The following ELOVL2 variants were observed in gnomAD, a reference collection of about 807,000 sequenced individuals.
ELOVL2 encodes the protein very long chain fatty acid elongase 2.
In ELOVL2, 38 loss-of-function variants were observed where a neutral mutation model predicts 37.7. The observed-to-expected ratio is 1.01, with a 90% confidence interval of 0.78 to 1.32. ELOVL2 has a LOEUF of 1.32. Ranked by LOEUF, ELOVL2 falls within the 40% of genes most tolerant of loss-of-function variation. The probability of loss-of-function intolerance (pLI) is 0.00; values close to 1 mark genes in which losing one functional copy is unlikely to be tolerated. For missense variants in ELOVL2, 352 were observed against 363.6 expected (o/e 0.97, Z 0.26); for synonymous variants, 115 against 122.3 (o/e 0.94, Z 0.40).
chr6:10,992,218 C>G (rs1782174107), intron 5 of ELOVL2, among the ~76,000 whole-genome samples: 1 of 152,180 alleles, frequency 6.6e-6, no homozygotes. Flanking sequence ...CTCTAGTGTT[C>G]ATTTGTACCT....
chr6:11,043,471 C>CACACACACACACACACACACAA (rs3839416), intron 1 of ELOVL2: 2 of 140,560 alleles, frequency 1.4e-5, no homozygotes, highest in Admixed American at 7.2e-5. Context: ...CGGGTGAACA[C>CACACACACACACACACACACAA]ACACACACAC....
chr6:11,014,339 C>T (rs1302984151), intron 1 of ELOVL2, among the ~76,000 whole-genome samples: 5 of 151,702 alleles, frequency 3.3e-5, no homozygotes, highest in South Asian at 2.1e-4. Context: ...ATTGGCCGGG[C>T]GTGGTGGTGC....
At chr6:11,026,322 CCCG>C (rs1300469893) in intron 1 of ELOVL2, among the ~76,000 whole-genome samples, 1 of 152,068 alleles carries the variant, frequency 6.6e-6, no homozygotes, top group African/African-American at 2.4e-5. Context: ...AGGAGAAAGT[CCCG>C]CCAACTCATT....
At chr6:11,031,076 A>G (rs1238399089) in intron 1 of ELOVL2, among the ~76,000 whole-genome samples, 8 of 152,210 alleles carry the variant, frequency 5.3e-5, no homozygotes, top group African/African-American at 1.7e-4. Flanking sequence ...TCTGTCATTC[A>G]AGATTTTTTT....
rs998664722 is a variant in ELOVL2 at position 10,994,943 on chromosome 6, AAGAC to A, written c.505+60_505+63del. The A allele has an allele frequency of 6.8e-6, 9 of 1,329,610 alleles. No homozygotes were observed. The African/African-American group carries it at 1.3e-4, about 20-fold the overall frequency. 82.4% of individuals were successfully genotyped at this position (1,329,610 alleles called of 1,614,324 possible). On this transcript the variant is annotated intron_variant, in intron 5 of 7. Coordinates refer to ENST00000354666, the MANE Select transcript of ELOVL2 (RefSeq NM_017770.4). ...CTGATCTGCATGCGATGCTTAATACAAGACAGCACCAGTGGTCTCTAAGAGCCAT... is the reference window on the plus strand; with the variant it reads ...CTGATCTGCATGCGATGCTTAATACAAGCACCAGTGGTCTCTAAGAGCCAT...
intron 7 of ELOVL2, among the ~76,000 whole-genome samples, chr6:10,987,216 G>A (rs778341757): frequency 5.9e-5 from 9 of 152,150 alleles, no homozygotes; most frequent in Non-Finnish European, 1.0e-4. Context: ...ATTTTTTATT[G>A]CATCTATTTG....
At chr6:11,012,284 C>T (rs1227392665) in intron 1 of ELOVL2, among the ~76,000 whole-genome samples, 1 of 152,100 alleles carries the variant, frequency 6.6e-6, no homozygotes, top group African/African-American at 2.4e-5. Context: ...TGGGCTAAAC[C>T]AAGCCTGAAA....
intron 1 of ELOVL2, among the ~76,000 whole-genome samples, chr6:11,030,590 C>T (rs925013342): frequency 6.6e-6 from 1 of 152,082 alleles, no homozygotes; most frequent in Non-Finnish European, 1.5e-5. Flanking sequence ...CTCCTGGGTT[C>T]ATGCCATTCT....
intron 7 of ELOVL2, among the ~76,000 whole-genome samples, chr6:10,987,123 CAG>C (rs1483689837): frequency 6.6e-6 from 1 of 151,922 alleles, no homozygotes; most frequent in Non-Finnish European, 1.5e-5. Flanking sequence ...CTAGATTTTC[CAG>C]TTTATTTGCA....
chr6:11,004,161 CATT>C (rs59189279), intron 3 of ELOVL2, among the ~76,000 whole-genome samples: 12,233 of 151,598 alleles, frequency 0.081, 1,667 homozygotes, highest in African/African-American at 0.28. Context: ...CCTAAAATTC[CATT>C]ATGAGAGCTT....
intron 1 of ELOVL2, among the ~76,000 whole-genome samples, chr6:11,026,882 G>A (rs969962798): frequency 2.6e-5 from 4 of 151,978 alleles, no homozygotes; most frequent in Admixed American, 1.3e-4. Flanking sequence ...ATATTTAATT[G>A]ACAAAAATTG....
chr6:11,009,405 T>C (rs1207368412), intron 2 of ELOVL2, among the ~76,000 whole-genome samples: 1 of 152,158 alleles, frequency 6.6e-6, no homozygotes, highest in East Asian at 1.9e-4. Flanking sequence ...TCTGAAAATA[T>C]CTTACTGTAT....
At chr6:10,984,857 G>C (rs759586313) in intron 7 of ELOVL2, among the ~76,000 whole-genome samples, 7 of 152,192 alleles carry the variant, frequency 4.6e-5, no homozygotes, top group Middle Eastern at 6.8e-3. Flanking sequence ...ATGATTTATA[G>C]TCCTTTGGGT....
At chr6:11,036,407 A>G (rs1395933946) in intron 1 of ELOVL2, among the ~76,000 whole-genome samples, 1 of 151,948 alleles carries the variant, frequency 6.6e-6, no homozygotes, top group African/African-American at 2.4e-5. Flanking sequence ...GATATATGCC[A>G]TTTTTTTTAG....
At position 11,044,291 on chromosome 6, in the gene ELOVL2, C is replaced by T. The variant is rs1366542579; in HGVS notation, c.-61G>A. The T allele has an allele frequency of 1.6e-6, 2 of 1,248,286 alleles. No homozygotes were observed. 77.3% of individuals were successfully genotyped at this position (1,248,286 alleles called of 1,614,324 possible). On this transcript the variant is annotated 5_prime_UTR_variant, in exon 1 of 8. Coordinates refer to ENST00000354666, the MANE Select transcript of ELOVL2 (RefSeq NM_017770.4). The surrounding 1 kb of genome is among the most constrained non-coding windows in gnomAD (Gnocchi z 5.6). Reference sequence around the variant, plus strand: ...GCGGCGATGCGCTGTCCAGGGTAGCCGGGTCCCTCTGCCCGGCGCTATCTC... The same window carrying T: ...GCGGCGATGCGCTGTCCAGGGTAGCTGGGTCCCTCTGCCCGGCGCTATCTC...
chr6:10,994,572 T>C (rs954117991), intron 5 of ELOVL2, among the ~76,000 whole-genome samples: 3 of 152,074 alleles, frequency 2.0e-5, no homozygotes, highest in Admixed American at 6.6e-5. Flanking sequence ...ATCTGGTAGG[T>C]CCTTCAGAGA....
Position 11,023,828 on chromosome 6 carries a change from C to T in ELOVL2, c.4-13019G>A, listed in dbSNP as rs751823401. ...GAATAATGTCAAATCAAATTGAGTA[C>T]CATTAGGAGGAAAATAAATCACTAA... On this transcript the variant is annotated intron_variant, in intron 1 of 7. Coordinates refer to ENST00000354666, the MANE Select transcript of ELOVL2 (RefSeq NM_017770.4). 1.4e-3 allele frequency among the ~76,000 whole-genome samples: 207 copies of T among 152,068 alleles called. 4 individuals are homozygous for T. Among genetic ancestry groups the T allele is most frequent in the East Asian group, 3.8e-4 (2 of 5,198 alleles).
chr6:11,034,768 C>T (rs1056306595), intron 1 of ELOVL2, among the ~76,000 whole-genome samples: 11 of 151,940 alleles, frequency 7.2e-5, no homozygotes, highest in Admixed American at 6.6e-5. Flanking sequence ...TTTGGGAGGC[C>T]GAGGCGGGTG....
chr6:10,983,756 T>C lies in ELOVL2; in HGVS notation c.*25A>G, dbSNP rs1282718872. The C allele has an allele frequency of 6.3e-7, 1 of 1,592,418 alleles. No individual in the cohort carries two copies. Among genetic ancestry groups the C allele is most frequent in the African/African-American group, 1.4e-5 (1 of 73,784 alleles). ...AACAAGCCAATCTGTTAGGCTAGTA[T>C]ATGTGCTTTTTCTGTTACTCATTTT... is the stretch of plus-strand genomic sequence containing the variant. On this transcript the variant is annotated 3_prime_UTR_variant, in exon 8 of 8. Coordinates refer to ENST00000354666, the MANE Select transcript of ELOVL2 (RefSeq NM_017770.4).
Sources: gnomAD v4.1 joint callset for allele counts (sites outside exome capture counted in the v4.1 genomes callset) on GRCh38, gnomAD v4.1.1 for gene constraint, Gnocchi (gnomAD v3.1) non-coding constraint, MANE v1.5 for transcripts, NCBI Gene and HGNC (gene_info 2026-07-23, HGNC 2026-07-21) for gene names.